Variants in LHFPL3 observed in about 807,000 individuals in gnomAD.
LHFPL3 encodes LHFPL tetraspan subfamily member 3.
LHFPL3 carries 5 observed loss-of-function variants against 19.3 expected under a neutral mutation model. The observed-to-expected ratio is 0.26, with a 90% CI of 0.14 to 0.54. The LOEUF (loss-of-function observed/expected upper bound fraction) is 0.54, where lower values mean the gene tolerates loss of function less well. LHFPL3 is among the 20% of genes least tolerant of loss of function. The pLI is 0.94. For synonymous variants in LHFPL3, 133 were observed against 126.2 expected (o/e 1.05, Z -0.36); for missense variants, 249 against 307.4 (o/e 0.81, Z 1.42).
intron 1 of LHFPL3, among the ~76,000 whole-genome samples, chr7:104,711,625 A>C (rs1793301282): frequency 6.6e-6 from 1 of 152,222 alleles, no homozygotes; most frequent in African/African-American, 2.4e-5. Context: ...AGAATTTAAA[A>C]AAAACAATGT....
chr7:104,729,471 C>A (rs1331482871), intron 1 of LHFPL3, among the ~76,000 whole-genome samples: 1 of 152,038 alleles, frequency 6.6e-6, no homozygotes, highest in Non-Finnish European at 1.5e-5. Context: ...AGAAATAATT[C>A]CTCCTATCTA....
chr7:104,469,736 G>T (rs978911586), intron 1 of LHFPL3, among the ~76,000 whole-genome samples: 22 of 152,086 alleles, frequency 1.4e-4, no homozygotes, highest in African/African-American at 5.3e-4. Flanking sequence ...TTTGTTTCTG[G>T]TTTCTAGGAG....
At chr7:104,471,754 G>T (rs1020826655) in intron 1 of LHFPL3, among the ~76,000 whole-genome samples, 7 of 152,002 alleles carry the variant, frequency 4.6e-5, no homozygotes, top group African/African-American at 1.7e-4. Context: ...GTAATTTCAC[G>T]TTTATTATTT....
intron 1 of LHFPL3, among the ~76,000 whole-genome samples, chr7:104,588,208 T>C (rs1198910053): frequency 6.6e-6 from 1 of 152,330 alleles, no homozygotes; most frequent in African/African-American, 2.4e-5. Flanking sequence ...ATGTCCTGAA[T>C]GGTATTGCCT....
At chr7:104,559,401 T>C (rs1048222892) in intron 1 of LHFPL3, among the ~76,000 whole-genome samples, 1 of 150,368 alleles carries the variant, frequency 6.7e-6, no homozygotes, top group African/African-American at 2.5e-5. Context: ...TTCACATCCC[T>C]TGTAAGTTGG....
chr7:104,749,657 A>C (rs113047928), intron 2 of LHFPL3, among the ~76,000 whole-genome samples: 1 of 152,292 alleles, frequency 6.6e-6, no homozygotes, highest in Non-Finnish European at 1.5e-5. Flanking sequence ...GTCAGTTAAC[A>C]TATGCCATTT....
At chr7:104,709,800 G>A (rs530343511) in intron 1 of LHFPL3, among the ~76,000 whole-genome samples, 69 of 150,772 alleles carry the variant, frequency 4.6e-4, no homozygotes, top group Non-Finnish European at 9.3e-4. Context: ...CTTCCTAGAC[G>A]GGATGGCGGC....
intron 2 of LHFPL3, chr7:104,786,404 A>G (rs1789914260): frequency 6.6e-6 from 1 of 152,208 alleles, no homozygotes. Context: ...AGCACTGTCA[A>G]ACTTTGGATG....
intron 1 of LHFPL3, among the ~76,000 whole-genome samples, chr7:104,402,839 C>A (rs1186439797): frequency 1.3e-5 from 2 of 152,188 alleles, no homozygotes; most frequent in African/African-American, 4.8e-5. Context: ...GTTCACTAAA[C>A]CTGTACAGAT....
intron 1 of LHFPL3, among the ~76,000 whole-genome samples, chr7:104,672,052 C>T (rs552870169): frequency 8.8e-6 from 1 of 113,492 alleles, no homozygotes; most frequent in South Asian, 3.1e-4. Flanking sequence ...AAAACTTTAA[C>T]TTCCAAGTGT....
Position 104,663,980 on chromosome 7 carries a change from C to T in LHFPL3, c.446-72695C>T, listed in dbSNP as rs1448466635. On this transcript the variant is annotated intron_variant, in intron 1 of 2. Transcript: ENST00000424859. ...GTGATGTACTAGCTAGCAGATCCAC[C>T]TGGAAATTATCTGATTTTTTAGGGG... 2.6e-5 allele frequency among the ~76,000 whole-genome samples: 4 copies of T among 152,186 alleles called. No individual in the cohort carries two copies. In the South Asian group the frequency reaches 6.2e-4, roughly 24 times the overall value.
intron 1 of LHFPL3, among the ~76,000 whole-genome samples, chr7:104,661,673 G>A (rs1792225900): frequency 6.6e-6 from 1 of 152,186 alleles, no homozygotes; most frequent in South Asian, 2.1e-4. Context: ...GTTGCCTGAA[G>A]CCATGGATAG....
chr7:104,459,409 A>T (rs1792613768), intron 1 of LHFPL3, among the ~76,000 whole-genome samples: 1 of 152,196 alleles, frequency 6.6e-6, no homozygotes, highest in South Asian at 2.1e-4. Context: ...TTGATTCTGA[A>T]TCTTCTTCAG....
intron 2 of LHFPL3, among the ~76,000 whole-genome samples, chr7:104,843,699 T>C (rs1374827023): frequency 6.6e-6 from 1 of 151,980 alleles, no homozygotes; most frequent in East Asian, 1.9e-4. Flanking sequence ...TTCTGAAAAC[T>C]ATCTCGGGCC....
chr7:104,536,270 T>A (rs1416662911), intron 1 of LHFPL3, among the ~76,000 whole-genome samples: 1 of 152,086 alleles, frequency 6.6e-6, no homozygotes, highest in African/African-American at 2.4e-5. Context: ...ACACATAAAG[T>A]CCGTGATGCA....
intron 1 of LHFPL3, among the ~76,000 whole-genome samples, chr7:104,691,139 G>C (rs1474233384): frequency 6.6e-6 from 1 of 152,186 alleles, no homozygotes. Context: ...ATCCTGAACT[G>C]CCTATCATGA....
chr7:104,757,480 G>C (rs2116361605), intron 2 of LHFPL3: 1 of 152,120 alleles, frequency 6.6e-6, no homozygotes, highest in Admixed American at 6.5e-5. Flanking sequence ...TTAATATCCA[G>C]AATCCATAAG....
intron 1 of LHFPL3, among the ~76,000 whole-genome samples, chr7:104,381,412 A>G (rs578242073): frequency 3.3e-5 from 5 of 152,324 alleles, no homozygotes; most frequent in South Asian, 4.2e-4. Context: ...ATAAAGATCC[A>G]AAACTATTAT....
At chr7:104,364,718 G>A (rs1390340183) in intron 1 of LHFPL3, among the ~76,000 whole-genome samples, 1 of 152,240 alleles carries the variant, frequency 6.6e-6, no homozygotes, top group Non-Finnish European at 1.5e-5. Flanking sequence ...GTAACTGTGG[G>A]CAGGTCATTT....
Sources: allele counts gnomAD v4.1 joint callset (sites outside exome capture counted in the v4.1 genomes callset), GRCh38; gene constraint gnomAD v4.1.1; transcripts MANE v1.5; gene names NCBI Gene and HGNC (gene_info 2026-07-23, HGNC 2026-07-21).